Variants in SRFBP1 observed in about 807,000 individuals in gnomAD.
SRFBP1 encodes serum response factor binding protein 1.
In SRFBP1, 47 loss-of-function variants were observed where a neutral mutation model predicts 45.5. The ratio of observed to expected loss-of-function variants is 1.03; its 90% CI spans 0.82 to 1.32. SRFBP1 has a LOEUF of 1.32. SRFBP1 is among the 40% of genes most tolerant of loss of function. The pLI, the probability that SRFBP1 is intolerant of heterozygous loss-of-function variation, is 0.00. For missense variants in SRFBP1, 621 were observed against 484.6 expected (o/e 1.28, Z -2.64); for synonymous variants, 203 against 166.3 (o/e 1.22, Z -1.70).
intron 2 of SRFBP1, among the ~76,000 whole-genome samples, chr5:122,060,108 C>T (rs1203405529): frequency 1.3e-5 from 2 of 151,956 alleles, no homozygotes; most frequent in African/African-American, 2.4e-5. Flanking sequence ...TGGGAATGAG[C>T]AGACTAGTTA....
chr5:122,004,055 C>T (rs1361061619), intron 4 of SRFBP1, among the ~76,000 whole-genome samples: 1 of 152,134 alleles, frequency 6.6e-6, no homozygotes, highest in Non-Finnish European at 1.5e-5. Context: ...CCACCTCAGC[C>T]TCCCAAGGTG....
intron 2 of SRFBP1, chr5:122,070,457 C>A: frequency 1.8e-6 from 2 of 1,126,802 alleles, no homozygotes; most frequent in Non-Finnish European, 2.7e-6. Context: ...TATTGATCTG[C>A]AATATCAATA....
Position 122,020,461 on chromosome 5 carries a change from A to G in SRFBP1, c.726A>G (p.Ser242=). The G allele has an allele frequency of 1.9e-6, 3 of 1,614,020 alleles. No individual in the cohort carries two copies. The highest frequency in any genetic ancestry group is 1.6e-4 in the Middle Eastern group (1 of 6,062). Reference sequence around the variant, plus strand: ...AAAAAAACAAAGGATCTGATAGCTCACTCTCTGGTAACAGTGATGGCGGAG... The same window carrying G: ...AAAAAAACAAAGGATCTGATAGCTCGCTCTCTGGTAACAGTGATGGCGGAG... ...QTKKNKGSDS[S]LSGNSDGGEE... The change falls in exon 6 of 8, where the codon TCA becomes TCG. Residue 242 remains serine, a synonymous_variant. Transcript: ENST00000339397.
At chr5:122,071,680 T>C (rs1162257168) in intron 2 of SRFBP1, among the ~76,000 whole-genome samples, 1 of 152,250 alleles carries the variant, frequency 6.6e-6, no homozygotes, top group Admixed American at 6.5e-5. Flanking sequence ...TTTATTCTAA[T>C]AGTAATTTAA....
chr5:121,999,502 C>G (rs1752808878), intron 4 of SRFBP1, among the ~76,000 whole-genome samples: 2 of 151,936 alleles, frequency 1.3e-5, no homozygotes, highest in African/African-American at 4.8e-5. Flanking sequence ...CATATTTTTA[C>G]TGTTTTTTTT....
In SRFBP1 at chr5:122,037,676, T is replaced by A. The variant is rs548773155; in HGVS notation, n.311+15269T>A. On this transcript the variant is annotated intron_variant and non_coding_transcript_variant, in intron 2 of 2. Transcript: ENST00000504881. ...TGGCTATTCAGTTTTTATTTTGTAT[T>A]CTTTTTTTTTTTTGGTAGAGATGGA... is the stretch of plus-strand genomic sequence containing the variant. Among the ~76,000 whole-genome samples, 33 of 148,996 alleles carry A rather than the reference T, an allele frequency of 2.2e-4. No individual in the cohort carries two copies. In the South Asian group the frequency reaches 6.9e-3, roughly 31 times the overall value.
chr5:122,057,053 GT>G (rs538508441), intron 2 of SRFBP1, among the ~76,000 whole-genome samples: 7 of 152,150 alleles, frequency 4.6e-5, no homozygotes, highest in Non-Finnish European at 7.4e-5. Context: ...GAAGAAGAAT[GT>G]TATGTAAAGC....
chr5:122,005,214 G>A (rs1580521374), intron 4 of SRFBP1, among the ~76,000 whole-genome samples: 3 of 152,074 alleles, frequency 2.0e-5, no homozygotes, highest in South Asian at 4.1e-4. Context: ...TTTCTGCCTC[G>A]ATGACCTGTG....
intron 1 of SRFBP1, among the ~76,000 whole-genome samples, chr5:121,973,851 A>G (rs1274104708): frequency 6.6e-6 from 1 of 151,946 alleles, no homozygotes; most frequent in Non-Finnish European, 1.5e-5. Context: ...CGGTGGGAAT[A>G]CAAAGATGAA....
At chr5:122,014,067 A>T (rs989777744) in intron 4 of SRFBP1, among the ~76,000 whole-genome samples, 2 of 152,186 alleles carry the variant, frequency 1.3e-5, no homozygotes, top group Admixed American at 6.5e-5. Context: ...TAAATGTTTA[A>T]AGTGGTAGAT....
In SRFBP1 at chr5:122,006,964, G is replaced by GT. The variant is rs535562561; in HGVS notation, c.271-12290dup. 5.0e-3 allele frequency among the ~76,000 whole-genome samples: 762 copies of GT among 152,080 alleles called. 1 individual carries two copies. The highest frequency in any genetic ancestry group is 9.4e-3 in the Non-Finnish European group (637 of 68,018). On this transcript the variant is annotated intron_variant, in intron 4 of 7. Transcript: ENST00000339397. ...ATTTTTGTCGTGTTGTATCTCTTAG[G>GT]TTTTTTCTGTCTCTTGTTGCCTTAT...
chr5:122,034,306 T>C (rs1037837266), intron 2 of SRFBP1, among the ~76,000 whole-genome samples: 2 of 150,696 alleles, frequency 1.3e-5, no homozygotes, highest in Non-Finnish European at 2.9e-5. Context: ...GTAATTATTA[T>C]ATTTATTACA....
At chr5:122,046,665 A>T (rs1397625989) in intron 2 of SRFBP1, among the ~76,000 whole-genome samples, 2 of 152,224 alleles carry the variant, frequency 1.3e-5, no homozygotes, top group Non-Finnish European at 2.9e-5. Context: ...TCCCACCAAC[A>T]GTGTAAAAGT....
chr5:122,039,171 C>G (rs958262547), intron 2 of SRFBP1, among the ~76,000 whole-genome samples: 2 of 152,136 alleles, frequency 1.3e-5, no homozygotes, highest in Non-Finnish European at 2.9e-5. Context: ...ATGGGAATGG[C>G]AGCTTCTATT....
chr5:121,987,311 A>G lies in SRFBP1; in HGVS notation c.199-7288A>G, dbSNP rs574677405. Reference sequence around the variant, plus strand: ...CCTAGCAGCAGAGGATTGAGATGCAATTGGTTTCTATAGAGAACACAGGAA... The same window carrying G: ...CCTAGCAGCAGAGGATTGAGATGCAGTTGGTTTCTATAGAGAACACAGGAA... On this transcript the variant is annotated intron_variant, in intron 3 of 7. Transcript: ENST00000339397. 3.3e-5 allele frequency among the ~76,000 whole-genome samples: 5 copies of G among 152,238 alleles called. No homozygotes were observed. The East Asian group carries it at 5.8e-4, about 18-fold the overall frequency.
chr5:121,962,541 T>A (rs1175770012), intron 1 of SRFBP1, among the ~76,000 whole-genome samples: 1 of 152,244 alleles, frequency 6.6e-6, no homozygotes, highest in Non-Finnish European at 1.5e-5. Flanking sequence ...TGCTCAGTAC[T>A]TCGTTTCCTC....
At chr5:121,986,996 G>A (rs766418962) in intron 3 of SRFBP1, among the ~76,000 whole-genome samples, 1 of 152,080 alleles carries the variant, frequency 6.6e-6, no homozygotes, top group Non-Finnish European at 1.5e-5. Flanking sequence ...TTAAGGCCGA[G>A]TACTGAAAGA....
chr5:122,077,025 G>A (rs1754658033), downstream of SRFBP1: 2 of 1,610,504 alleles, frequency 1.2e-6, no homozygotes, highest in East Asian at 2.2e-5. The surrounding 1 kb of genome is among the most constrained non-coding windows in gnomAD (Gnocchi z 4.9). Flanking sequence ...GGCGACGGGC[G>A]CAGCAGTGAA....
intron 2 of SRFBP1, among the ~76,000 whole-genome samples, chr5:122,050,448 G>T (rs1166255374): frequency 6.6e-6 from 1 of 152,010 alleles, no homozygotes; most frequent in Admixed American, 6.6e-5. Context: ...CAGGGATTCA[G>T]CTTCTCCTGA....
Sources: gnomAD v4.1 joint callset for allele counts (sites outside exome capture counted in the v4.1 genomes callset) on GRCh38, gnomAD v4.1.1 for gene constraint, Gnocchi (gnomAD v3.1) non-coding constraint, MANE v1.5 for transcripts, NCBI Gene and HGNC (gene_info 2026-07-23, HGNC 2026-07-21) for gene names.